Variants in ADAMTS15 observed in about 807,000 individuals in gnomAD.
The protein encoded by ADAMTS15 is A disintegrin and metalloproteinase with thrombospondin motifs 15.
Under a neutral mutation model 79.1 loss-of-function variants are expected in ADAMTS15, and 35 were observed. The ratio of observed to expected loss-of-function variants is 0.44; its 90% confidence interval spans 0.34 to 0.59. ADAMTS15 has a LOEUF of 0.59. Ranked by LOEUF, ADAMTS15 falls within the 20% of genes least tolerant of loss-of-function variation. The pLI is 0.02. For synonymous variants in ADAMTS15, 616 were observed against 567.3 expected, an observed-to-expected ratio of 1.09 and a Z score of -1.22; for missense variants, 1,324 against 1,318.7, an observed-to-expected ratio of 1.00 and a Z score of -0.06.
chr11:130,455,374 T>C (rs142483961), intron 1 of ADAMTS15, among the ~76,000 whole-genome samples: 1 of 152,338 alleles, frequency 6.6e-6, no homozygotes, highest in Non-Finnish European at 1.5e-5. Flanking sequence ...TTTGGTCCAA[T>C]TTTTGTATGG....
chr11:130,470,785 T>TG, intron 5 of ADAMTS15, 135 bp from the exon 6 acceptor site: 6 of 969,450 alleles, frequency 6.2e-6, no homozygotes, highest in South Asian at 4.8e-5. Flanking sequence ...TGCTTTCAGA[T>TG]GGGGGGAGGT....
At position 130,449,321 on chromosome 11, in the gene ADAMTS15, T is replaced by G. The variant is rs767351466; in HGVS notation, c.348T>G (p.Ala116=). 8.1e-6 allele frequency: 13 copies of G among 1,609,894 alleles called. No homozygotes were observed. Among genetic ancestry groups the G allele is most frequent in the Non-Finnish European group, 4.2e-6 (5 of 1,180,014 alleles). ...ACGCCGAGCCGGACTCGTTCGCTGC[T>G]GTGAGCCTGTGCGGGGGGCTCCGCG... The part of the protein sequence containing the change: ...DVNAEPDSFA[A]VSLCGGLRGA... The change falls in exon 1 of 8, where the codon GCT becomes GCG. Residue 116 remains alanine (A), a synonymous_variant. Transcript: ENST00000299164. The surrounding 1 kb of genome is among the most constrained non-coding windows in gnomAD (Gnocchi z 7.8).
intron 4 of ADAMTS15, among the ~76,000 whole-genome samples, chr11:130,465,366 A>T (rs1206695819): frequency 2.0e-5 from 3 of 152,170 alleles, no homozygotes; most frequent in African/African-American, 7.2e-5. Flanking sequence ...CTTGTTAGGG[A>T]CATCGCTGAT....
rs766984410 is a variant in ADAMTS15, at chr11:130,449,856, T to C, written c.883T>C (p.Trp295Arg). ...CCTGACGCTGCGCAACTTCTGTGCC[T>C]GGCAGAAGAAGCTGAACAAAGTGAG... ...AALTLRNFCA[W>R]QKKLNKVSDK... is the part of the protein sequence containing the mutation. Residue 295 changes from tryptophan (W) to arginine (R), a missense_variant, in exon 1 of 8, where the codon TGG (tryptophan) becomes CGG (arginine). Transcript: ENST00000299164. The surrounding 1 kb of genome is among the most constrained non-coding windows in gnomAD (Gnocchi z 7.8). 1.6e-5 allele frequency: 26 copies of C among 1,606,312 alleles called. No homozygotes were observed. Among genetic ancestry groups the C allele is most frequent in the Non-Finnish European group, 1.9e-5 (23 of 1,180,012 alleles).
Position 130,473,192 on chromosome 11 carries a change from G to A in ADAMTS15, c.2224G>A (p.Val742Met), listed in dbSNP as rs749639106. The A allele has an allele frequency of 2.2e-5, 36 of 1,613,996 alleles. 1 individual carries two copies. The highest frequency in any genetic ancestry group is 6.7e-5 in the African/African-American group (5 of 74,958). The change falls in exon 8 of 8, where the codon GTG becomes ATG. Residue 742 changes from valine (V) to methionine (M), a missense_variant. Val to Met is a conservative substitution (Grantham distance 21, BLOSUM62 1). Coordinates refer to ENST00000299164, the MANE Select transcript of ADAMTS15 (RefSeq NM_139055.4). The stretch of plus-strand genomic sequence containing the variant: ...CAAGTACCTGCTCAACGGGCATTTC[G>A]TGGTGTCGGCGGTGGAGCGGGACCT... ...QGKYLLNGHF[V>M]VSAVERDLVV...
At position 130,462,155 on chromosome 11, in the gene ADAMTS15, A is replaced by G; in HGVS notation, c.1159A>G (p.Asn387Asp). 6.2e-7 allele frequency: 1 copy of G among 1,614,186 alleles called. No individual in the cohort carries two copies. Among genetic ancestry groups the G allele is most frequent in the African/African-American group, 1.3e-5 (1 of 75,050 alleles). ...CEEVFGKLRANHMMSPTLIQI... is the reference protein window; with the variant it reads ...CEEVFGKLRADHMMSPTLIQI... ...GGAGGTGTTTGGGAAGCTCCGAGCC[A>G]ACCACATGATGTCCCCGACCCTCAT... The change falls in exon 3 of 8, where the codon AAC becomes GAC. Residue 387 changes from asparagine to aspartate, a missense_variant. Physicochemically the swap from Asn to Asp is conservative, Grantham distance 23. Coordinates refer to ENST00000299164, the MANE Select transcript of ADAMTS15 (RefSeq NM_139055.4). The surrounding 1 kb of genome is among the most constrained non-coding windows in gnomAD (Gnocchi z 4.3).
intron 1 of ADAMTS15, among the ~76,000 whole-genome samples, chr11:130,456,860 C>T (rs976915810): frequency 1.8e-4 from 27 of 152,210 alleles, no homozygotes; most frequent in African/African-American, 6.5e-4. Context: ...CAGAGATGAG[C>T]TCTGGCTCTC....
At chr11:130,454,700 A>G (rs1017313667) in intron 1 of ADAMTS15, among the ~76,000 whole-genome samples, 2 of 152,154 alleles carry the variant, frequency 1.3e-5, no homozygotes, top group Admixed American at 1.3e-4. Context: ...GAGTGGGAAG[A>G]GAGAGGGAGG....
Position 130,474,593 on chromosome 11 carries a change from A to G in ADAMTS15, c.*772A>G, listed in dbSNP as rs1259528634. The stretch of plus-strand genomic sequence containing the variant: ...TGTCTTCTTCAAGATGGAGCCGGCC[A>G]TTACAGAAAGATGTTGACATTTGCT... On this transcript the variant is annotated 3_prime_UTR_variant, in exon 8 of 8. Coordinates refer to ENST00000299164, the MANE Select transcript of ADAMTS15 (RefSeq NM_139055.4). The G allele has an allele frequency of 6.6e-6, 1 of 152,312 alleles. No homozygotes were observed. The allele number at this position is 152,312 out of a possible 1,614,324, so 9.4% of individuals were successfully genotyped here.
intron 4 of ADAMTS15, among the ~76,000 whole-genome samples, chr11:130,467,630 C>T (rs544306832): frequency 6.6e-6 from 1 of 152,096 alleles, no homozygotes; most frequent in Non-Finnish European, 1.5e-5. Flanking sequence ...TAATTCCAGG[C>T]GAGTACAGCA....
intron 4 of ADAMTS15, among the ~76,000 whole-genome samples, chr11:130,466,830 C>T (rs1366279422): frequency 6.6e-6 from 1 of 152,154 alleles, no homozygotes; most frequent in Non-Finnish European, 1.5e-5. Flanking sequence ...CTCTCAGGGC[C>T]TGTGCACTTT....
At chr11:130,450,338 C>A in intron 1 of ADAMTS15, 1 of 985,444 alleles carries the variant, frequency 1.0e-6, no homozygotes, top group Non-Finnish European at 1.2e-6. Flanking sequence ...TGAGTCTTCT[C>A]GGACACCTCC....
chr11:130,471,141 G>T (rs1026800124), intron 6 of ADAMTS15, 40 bp downstream of exon 6: 2 of 1,595,278 alleles, frequency 1.3e-6, no homozygotes, highest in Non-Finnish European at 1.7e-6. Context: ...TAGGGACCAG[G>T]TCTTCCGGGG....
At chr11:130,454,832 C>A (rs1228867629) in intron 1 of ADAMTS15, among the ~76,000 whole-genome samples, 2 of 152,104 alleles carry the variant, frequency 1.3e-5, no homozygotes, top group African/African-American at 4.8e-5. Context: ...GAATCTTTTT[C>A]TTTTATTTTT....
chr11:130,473,571 G>C lies in ADAMTS15; in HGVS notation c.2603G>C (p.Gly868Ala). The change falls in exon 8 of 8, where the codon GGC (glycine) becomes GCC (alanine). Residue 868 changes from glycine to alanine, a missense_variant. Coordinates refer to ENST00000299164, the MANE Select transcript of ADAMTS15 (RefSeq NM_139055.4). The part of the protein sequence containing the change: ...GLQKRAVDCR[G>A]SAGQRTVPAC... ...CAGAAGCGGGCGGTGGACTGCCGGG[G>C]CTCCGCCGGGCAGCGCACGGTCCCT... is the stretch of plus-strand genomic sequence containing the variant. 1.2e-6 allele frequency: 2 copies of C among 1,602,642 alleles called. No individual in the cohort carries two copies. The highest frequency in any genetic ancestry group is 1.7e-6 in the Non-Finnish European group (2 of 1,173,768).
chr11:130,462,371 A>AGCCG lies in ADAMTS15; in HGVS notation c.1258+119_1259-121dup. Reference sequence around the variant, plus strand: ...ACATTAGGTGTGTGTGCCCCCTCGGAGCCGGGCTCTGACATGAGTGCATTC... The same window carrying AGCCG: ...ACATTAGGTGTGTGTGCCCCCTCGGAGCCGGCCGGGCTCTGACATGAGTGCATTC... On this transcript the variant is annotated intron_variant, in intron 3 of 7. Transcript: ENST00000299164. This position sits in a 1 kb window ranked among gnomAD's most constrained non-coding sequence, Gnocchi z 4.3. 8.1e-6 allele frequency: 12 copies of AGCCG among 1,485,170 alleles called. No individual in the cohort carries two copies. The South Asian group carries it at 1.6e-4, about 20-fold the overall frequency. 92.0% of individuals were successfully genotyped at this position (1,485,170 alleles called of 1,614,324 possible). A position where few individuals can be genotyped will look rare whatever the true frequency, so the allele number is the denominator to read the frequency against.
At position 130,449,146 on chromosome 11, in the gene ADAMTS15, C is replaced by T; in HGVS notation, c.173C>T (p.Thr58Ile). Residue 58 changes from threonine (T) to isoleucine (I), a missense_variant, in exon 1 of 8, where the codon ACA (threonine) becomes ATA (isoleucine). By Grantham distance (89) the Thr-to-Ile change is moderately conservative. Coordinates refer to ENST00000299164, the MANE Select transcript of ADAMTS15 (RefSeq NM_139055.4). The surrounding 1 kb of genome is among the most constrained non-coding windows in gnomAD (Gnocchi z 7.8). ...GATCAGGGACTCATTTTTCAGATCA[C>T]AGCATTTCAGGAGGACTTTTACCTA... ...SGDQGLIFQITAFQEDFYLHL... is the reference protein window; with the variant it reads ...SGDQGLIFQIIAFQEDFYLHL... 6.2e-7 allele frequency: 1 copy of T among 1,603,306 alleles called. No homozygotes were observed. Among genetic ancestry groups the T allele is most frequent in the Non-Finnish European group, 8.5e-7 (1 of 1,173,122 alleles).
Position 130,449,572 on chromosome 11 carries a change from A to G in ADAMTS15, c.599A>G (p.Glu200Gly). ...PYKPRRAGFG[E>G]SRSRRRSGRA... Reference sequence around the variant, plus strand: ...AAGCCGCGGCGGGCGGGCTTCGGGGAGAGTCGTAGCCGGCGCAGGTCTGGG... The same window carrying G: ...AAGCCGCGGCGGGCGGGCTTCGGGGGGAGTCGTAGCCGGCGCAGGTCTGGG... Residue 200 changes from glutamate to glycine, a missense_variant, in exon 1 of 8, where the codon GAG (glutamate) becomes GGG (glycine). Coordinates refer to ENST00000299164, the MANE Select transcript of ADAMTS15 (RefSeq NM_139055.4). This position sits in a 1 kb window ranked among gnomAD's most constrained non-coding sequence, Gnocchi z 7.8. The G allele has an allele frequency of 6.3e-7, 1 of 1,589,466 alleles. No individual in the cohort carries two copies. Among genetic ancestry groups the G allele is most frequent in the Non-Finnish European group, 8.6e-7 (1 of 1,166,876 alleles).
At position 130,464,523 on chromosome 11, in the gene ADAMTS15, T is replaced by C. The variant is rs562985800; in HGVS notation, c.1542+1743T>C. Among the ~76,000 whole-genome samples, 6 of 152,332 alleles carry C rather than the reference T, an allele frequency of 3.9e-5. No individual in the cohort carries two copies. In the East Asian group the frequency reaches 1.2e-3, roughly 29 times the overall value. On this transcript the variant is annotated intron_variant, in intron 4 of 7. Transcript: ENST00000299164. Reference sequence around the variant, plus strand: ...TTCCCAGATTACTCCCTCTGGGTTTTGGATTCCAACAATTCCTCAATCCCA... The same window carrying C: ...TTCCCAGATTACTCCCTCTGGGTTTCGGATTCCAACAATTCCTCAATCCCA...
Sources: allele counts gnomAD v4.1 joint callset (sites outside exome capture counted in the v4.1 genomes callset), GRCh38; gene constraint gnomAD v4.1.1; non-coding constraint Gnocchi (gnomAD v3.1); transcripts MANE v1.5; gene names NCBI Gene and HGNC (gene_info 2026-07-23, HGNC 2026-07-21).